The following FGF22 variants were observed in gnomAD, a reference collection of about 807,000 sequenced individuals.
The protein encoded by FGF22 is fibroblast growth factor 22, also known as FGF-22.
In FGF22, 11 loss-of-function variants were observed where a neutral mutation model predicts 10.3. The ratio of observed to expected loss-of-function variants is 1.07; its 90% CI spans 0.67 to 1.77. FGF22 has a LOEUF of 1.77. FGF22 is among the 40% of genes most tolerant of loss of function. The pLI is 0.00. For missense variants in FGF22, 317 were observed against 273.2 expected, an observed-to-expected ratio of 1.16 and a Z score of -1.13; for synonymous variants, 136 against 122.1, an observed-to-expected ratio of 1.11 and a Z score of -0.75.
At chr19:640,226 G>C in intron 1 of FGF22, 87 bp downstream of exon 1, 2 of 933,048 alleles carry the variant, frequency 2.1e-6, no homozygotes, top group Non-Finnish European at 2.8e-6. Context: ...CTGCGCCCGC[G>C]GGGGAGTCCC....
rs1033470010 is a variant in FGF22, at chr19:643,094, G to A, written c.215-141G>A. On this transcript the variant is annotated intron_variant, in intron 1 of 2. Transcript: ENST00000215530. Reference sequence around the variant, plus strand: ...CGGCTCTGGGGGATCCTGAGTGTCCGTCGTGGTCGGGAGGGGACTCGTGGT... The same window carrying A: ...CGGCTCTGGGGGATCCTGAGTGTCCATCGTGGTCGGGAGGGGACTCGTGGT... 312 of 693,084 alleles carry A rather than the reference G, an allele frequency of 4.5e-4. 2 individuals carry two copies. The highest frequency in any genetic ancestry group is 3.8e-4 in the Admixed American group (18 of 47,822). The allele number at this position is 693,084 out of a possible 1,614,324, so 42.9% of individuals were successfully genotyped here.
chr19:641,344 A>G (rs922277582), intron 1 of FGF22: 3 of 444,716 alleles, frequency 6.7e-6, no homozygotes, highest in Admixed American at 2.4e-5. Context: ...TGGGAGGCCG[A>G]GGCGGGCAGA....
chr19:640,365 C>T (rs184964209), intron 1 of FGF22: 156 of 364,458 alleles, frequency 4.3e-4, no homozygotes, highest in African/African-American at 2.9e-3. Context: ...GGCAGAGAAG[C>T]GTCCGTGTGG....
intron 1 of FGF22, among the ~76,000 whole-genome samples, chr19:642,196 G>A (rs144023680): frequency 5.3e-5 from 8 of 151,784 alleles, no homozygotes; most frequent in African/African-American, 1.2e-4. Flanking sequence ...TGCGTGGGCC[G>A]GGCAGCTGAG....
exon 1 of FGF22, chr19:639,912 C>G (rs1445530221): frequency 1.7e-6 from 2 of 1,211,770 alleles, no homozygotes; most frequent in Non-Finnish European, 2.1e-6. Context: ...GCGCAGCGAA[C>G]CGGGTGCCGG....
chr19:643,669 G>C (rs1985991941), exon 3 of FGF22: 2 of 1,324,138 alleles, frequency 1.5e-6, no homozygotes, highest in Admixed American at 5.4e-5. Flanking sequence ...GGCCACGCTT[G>C]TTCTTCCCCC....
At chr19:642,929 C>T (rs977412277) in intron 1 of FGF22, among the ~76,000 whole-genome samples, 4 of 152,046 alleles carry the variant, frequency 2.6e-5, no homozygotes, top group Non-Finnish European at 2.9e-5. Flanking sequence ...GCTGCAGGGA[C>T]AGCGCTGACC....
intron 1 of FGF22, chr19:641,129 G>T (rs11572860): frequency 0.039 from 17,795 of 455,552 alleles, 1,131 homozygotes; most frequent in South Asian, 0.15. Context: ...CCTGCCCTTC[G>T]TGCATTCGCT....
chr19:641,998 C>A (rs11572874), intron 1 of FGF22, among the ~76,000 whole-genome samples: 5,000 of 152,252 alleles, frequency 0.033, 265 homozygotes, highest in African/African-American at 0.11. Flanking sequence ...CCAAATCTGG[C>A]TCTGCCACTC....
At chr19:643,641 G>C in exon 3 of FGF22, 2 of 1,456,656 alleles carry the variant, frequency 1.4e-6, no homozygotes, top group Non-Finnish European at 1.8e-6. Context: ...AGGTGCCTGG[G>C]CTGGTGGCGA....
rs1834125487 is a variant in FGF22, at chr19:639,957, G to A, written c.32G>A (p.Trp11Ter). ...CGCCGCCTGTGGCTGGGCCTGGCCT[G>A]GCTGCTGCTGGCGCGGGCGCCGGAC... Residue 11 changes from tryptophan (W) to a stop codon, truncating the protein, a stop_gained, in exon 1 of 3, where the codon TGG (tryptophan) becomes TAG (stop). Transcript: ENST00000215530. LOFTEE classifies it high-confidence loss of function. 8.0e-7 allele frequency: 1 copy of A among 1,251,502 alleles called. No individual in the cohort carries two copies. Among genetic ancestry groups the A allele is most frequent in the Non-Finnish European group, 1.0e-6 (1 of 1,001,262 alleles). 77.5% of individuals were successfully genotyped at this position (1,251,502 alleles called of 1,614,324 possible).
At chr19:641,376 A>G (rs1042526034) in intron 1 of FGF22, 5 of 425,646 alleles carry the variant, frequency 1.2e-5, no homozygotes, top group African/African-American at 8.1e-5. Flanking sequence ...GGAGATCGAG[A>G]CCATCCCGGC....
chr19:641,574 CAAAAA>C (rs68071125), intron 1 of FGF22: 97 of 94,534 alleles, frequency 1.0e-3, no homozygotes, highest in South Asian at 3.1e-3. Context: ...GACTCCGTCT[CAAAAA>C]AAAAAAAAAA....
At position 643,344 on chromosome 19, in the gene FGF22, T is replaced by C. The variant is rs768084041; in HGVS notation, c.318+6T>C. 4.7e-5 allele frequency: 62 copies of C among 1,307,462 alleles called. No individual in the cohort carries two copies. Among genetic ancestry groups the C allele is most frequent in the Non-Finnish European group, 5.6e-5 (55 of 977,660 alleles). The allele number at this position is 1,307,462 out of a possible 1,614,324, so 81.0% of individuals were successfully genotyped here. A position where few individuals can be genotyped will look rare whatever the true frequency, so the allele number is the denominator to read the frequency against. ...GGGGCCGCCTCTACGGGTCGGTGAGTGCCGGGCAGGGCTGGGCGGCGCGGG... is the reference window on the plus strand; with the variant it reads ...GGGGCCGCCTCTACGGGTCGGTGAGCGCCGGGCAGGGCTGGGCGGCGCGGG... On this transcript the variant is annotated splice_donor_region_variant and intron_variant, in intron 2 of 2. Transcript: ENST00000215530.
rs568621784 is a variant in FGF22, at chr19:642,932, C to T, written c.215-303C>T. Among the ~76,000 whole-genome samples the T allele has an allele frequency of 4.6e-5, 7 of 152,174 alleles. No homozygotes were observed. The South Asian group carries it at 8.3e-4, about 18-fold the overall frequency. On this transcript the variant is annotated intron_variant, in intron 1 of 2. Coordinates refer to ENST00000215530, the Ensembl canonical transcript of FGF22. The stretch of plus-strand genomic sequence containing the variant: ...CTCTTGGGCTGAGCTGCAGGGACAG[C>T]GCTGACCTGGCCCTCCCACGGGGTC...
intron 1 of FGF22, among the ~76,000 whole-genome samples, chr19:642,563 C>T (rs12977792): frequency 4.0e-5 from 2 of 50,016 alleles, no homozygotes; most frequent in Non-Finnish European, 7.2e-5. Flanking sequence ...CTGGGGGGTC[C>T]CTGGGGTGGT....
chr19:641,979 C>T (rs11572873), intron 1 of FGF22, among the ~76,000 whole-genome samples: 4,924 of 152,226 alleles, frequency 0.032, 222 homozygotes, highest in South Asian at 0.15. Context: ...TACCCACAGA[C>T]GATGGCGTCC....
intron 1 of FGF22, 49 bp from the exon 2 acceptor site, chr19:643,186 G>T: frequency 2.3e-6 from 2 of 876,058 alleles, no homozygotes; most frequent in Non-Finnish European, 1.5e-6. Flanking sequence ...GACAGCAGCG[G>T]TGCTGGGGGT....
rs1485678291 is a variant in FGF22 at position 641,913 on chromosome 19, G to A, written c.215-1322G>A. On this transcript the variant is annotated intron_variant, in intron 1 of 2. Transcript: ENST00000215530. ...GGGTGAGGAGTGGCGGCTGGCCCCA[G>A]GGTCCTTGCTGGACAAGACACTTCA... is the stretch of plus-strand genomic sequence containing the variant. 2.6e-5 allele frequency among the ~76,000 whole-genome samples: 4 copies of A among 152,120 alleles called. 1 individual carries two copies. The highest frequency in any genetic ancestry group is 6.3e-3 in the Middle Eastern group (2 of 316).
Sources: gnomAD v4.1 joint callset for allele counts (sites outside exome capture counted in the v4.1 genomes callset) on GRCh38, gnomAD v4.1.1 for gene constraint, MANE v1.5 for transcripts, NCBI Gene and HGNC (gene_info 2026-07-23, HGNC 2026-07-21) for gene names.